BRINP1: variants seen among roughly 807,000 people sequenced by gnomAD.
The protein encoded by BRINP1 is BMP/retinoic acid inducible neural specific 1, also known as BMP/retinoic acid-inducible neural-specific protein 1.
In BRINP1, 17 loss-of-function variants were observed where a neutral mutation model predicts 72.9. The observed-to-expected ratio is 0.23, with a 90% CI of 0.16 to 0.35. The LOEUF (loss-of-function observed/expected upper bound fraction) is 0.35. Ranked by LOEUF, BRINP1 falls within the 10% of genes least tolerant of loss-of-function variation. The pLI is 1.00. For missense variants in BRINP1, 850 were observed against 1,001.6 expected (o/e 0.85, Z 2.04); for synonymous variants, 418 against 378.5 (o/e 1.10, Z -1.21).
intron 2 of BRINP1, among the ~76,000 whole-genome samples, chr9:119,268,285 TAGATAGATAG>T (rs371343100): frequency 1.3e-5 from 2 of 148,502 alleles, no homozygotes; most frequent in Non-Finnish European, 3.0e-5. Flanking sequence ...GATAGATAGA[TAGATAGATAG>T]ATAGATAAAA....
At chr9:119,236,755 T>C (rs1830195352) in intron 5 of BRINP1, among the ~76,000 whole-genome samples, 1 of 152,204 alleles carries the variant, frequency 6.6e-6, no homozygotes, top group Non-Finnish European at 1.5e-5. Context: ...ATCTACTTTC[T>C]TAACAGGCAT....
chr9:119,186,152 T>A (rs1269678314), intron 7 of BRINP1, among the ~76,000 whole-genome samples: 1 of 152,080 alleles, frequency 6.6e-6, no homozygotes, highest in African/African-American at 2.4e-5. Context: ...CTAGGCTCGG[T>A]GGAGCAGGCA....
At chr9:119,295,626 A>G (rs1201101088) in intron 2 of BRINP1, among the ~76,000 whole-genome samples, 2 of 152,122 alleles carry the variant, frequency 1.3e-5, no homozygotes, top group Non-Finnish European at 2.9e-5. Context: ...ATCATCATGC[A>G]GTGTGTCACT....
chr9:119,361,442 C>T (rs1831627515), intron 1 of BRINP1, among the ~76,000 whole-genome samples: 1 of 152,098 alleles, frequency 6.6e-6, no homozygotes, highest in Non-Finnish European at 1.5e-5. Flanking sequence ...CATAGAATCA[C>T]TATCTCACCA....
intron 1 of BRINP1, among the ~76,000 whole-genome samples, chr9:119,332,113 G>A (rs1831305072): frequency 6.6e-6 from 1 of 152,050 alleles, no homozygotes. Flanking sequence ...ATAAAAAGCT[G>A]TGCACTCTCT....
chr9:119,225,698 A>G (rs1230434353), intron 5 of BRINP1, among the ~76,000 whole-genome samples: 1 of 152,046 alleles, frequency 6.6e-6, no homozygotes, highest in African/African-American at 2.4e-5. Context: ...CAGAAAGCAG[A>G]TTAGTAGTTA....
At chr9:119,251,462 A>T (rs1830386987) in intron 2 of BRINP1, among the ~76,000 whole-genome samples, 1 of 152,292 alleles carries the variant, frequency 6.6e-6, no homozygotes, top group East Asian at 1.9e-4. Context: ...AAACAAAAAC[A>T]GCCAGAATGG....
intron 7 of BRINP1, among the ~76,000 whole-genome samples, chr9:119,179,049 A>G (rs891781130): frequency 6.6e-6 from 1 of 152,104 alleles, no homozygotes; most frequent in African/African-American, 2.4e-5. Context: ...CAGGGATAGC[A>G]GGGATTGCAA....
chr9:119,231,112 C>T (rs1830145455), intron 5 of BRINP1, among the ~76,000 whole-genome samples: 1 of 151,940 alleles, frequency 6.6e-6, no homozygotes, highest in African/African-American at 2.4e-5. Flanking sequence ...TAAACTAAGA[C>T]ACATCATCAA....
intron 6 of BRINP1, 84 bp from the exon 7 acceptor site, chr9:119,209,025 C>T (rs1829890395): frequency 1.8e-6 from 2 of 1,108,504 alleles, no homozygotes; most frequent in Non-Finnish European, 2.7e-6. Flanking sequence ...GTGTCACTTT[C>T]CAATAAACCA....
chr9:119,329,396 G>A (rs1364271845), intron 1 of BRINP1, among the ~76,000 whole-genome samples: 1 of 152,122 alleles, frequency 6.6e-6, no homozygotes, highest in Non-Finnish European at 1.5e-5. Flanking sequence ...CCTTTTAAAT[G>A]ATGAACTAAA....
At chr9:119,358,641 C>T (rs1831596730) in intron 1 of BRINP1, among the ~76,000 whole-genome samples, 1 of 152,110 alleles carries the variant, frequency 6.6e-6, no homozygotes, top group Admixed American at 6.5e-5. Flanking sequence ...TTGCAGTGAG[C>T]TGGGATCACA....
intron 2 of BRINP1, among the ~76,000 whole-genome samples, chr9:119,264,836 AT>A (rs569547350): frequency 6.6e-6 from 1 of 151,868 alleles, no homozygotes; most frequent in Admixed American, 6.6e-5. Context: ...TGCCAGGCTA[AT>A]TTTTTTTGTA....
intron 1 of BRINP1, among the ~76,000 whole-genome samples, chr9:119,343,272 A>G (rs1376597566): frequency 6.6e-6 from 1 of 152,212 alleles, no homozygotes; most frequent in Non-Finnish European, 1.5e-5. Context: ...GGAATGAGAT[A>G]TGGAGTCAGT....
intron 7 of BRINP1, among the ~76,000 whole-genome samples, chr9:119,201,296 G>A (rs1053622572): frequency 6.6e-6 from 1 of 152,178 alleles, no homozygotes; most frequent in Non-Finnish European, 1.5e-5. Flanking sequence ...AAGCAATGCT[G>A]CTCAAAGATT....
At chr9:119,213,135 T>G (rs1395679462) in intron 6 of BRINP1, among the ~76,000 whole-genome samples, 3 of 152,166 alleles carry the variant, frequency 2.0e-5, no homozygotes, top group African/African-American at 7.2e-5. Context: ...ATACTTCCAT[T>G]TCTGTTCTTT....
At position 119,313,288 on chromosome 9, in the gene BRINP1, G is replaced by C; in HGVS notation, c.68C>G (p.Ser23Cys). The change falls in exon 2 of 8, where the codon TCC becomes TGC. Residue 23 changes from serine (S) to cysteine (C), a missense_variant. Ser to Cys is a moderately radical substitution (Grantham distance 112). Coordinates refer to ENST00000265922, the MANE Select transcript of BRINP1 (RefSeq NM_014618.3). ...GTCTGTCCCAGCTGGTTCCTGGTGG[G>C]AGGGCTGCACTGAGATACGGCCCCA... The part of the protein sequence containing the change: ...FIWGRISVQP[S>C]HQEPAGTDQH... 6.2e-7 allele frequency: 1 copy of C among 1,614,138 alleles called. No individual in the cohort carries two copies. The highest frequency in any genetic ancestry group is 8.5e-7 in the Non-Finnish European group (1 of 1,180,036).
chr9:119,233,631 C>T (rs1382493896), intron 5 of BRINP1, among the ~76,000 whole-genome samples: 1 of 152,116 alleles, frequency 6.6e-6, no homozygotes, highest in African/African-American at 2.4e-5. Flanking sequence ...TTAAATAAAA[C>T]CTAAATAGAT....
intron 1 of BRINP1, among the ~76,000 whole-genome samples, chr9:119,343,403 G>A (rs1232374418): frequency 1.3e-5 from 2 of 152,130 alleles, no homozygotes; most frequent in African/African-American, 2.4e-5. Flanking sequence ...TTCCCCGCCT[G>A]GCACCATGCA....
Sources: allele counts gnomAD v4.1 joint callset (sites outside exome capture counted in the v4.1 genomes callset), GRCh38; gene constraint gnomAD v4.1.1; transcripts MANE v1.5; gene names NCBI Gene and HGNC (gene_info 2026-07-23, HGNC 2026-07-21).